MAP3K20: variants seen among roughly 807,000 people sequenced by gnomAD.
MAP3K20 encodes mitogen-activated protein kinase kinase kinase 20, also known as HCCS-4.
A neutral mutation model predicts 85.7 loss-of-function variants in MAP3K20; 40 were observed. The ratio of observed to expected loss-of-function variants is 0.47; its 90% CI spans 0.36 to 0.61. The LOEUF is 0.61. Ranked by LOEUF, MAP3K20 falls within the 20% of genes least tolerant of loss-of-function variation. MAP3K20 has a pLI of 0.00. For synonymous variants in MAP3K20, 325 were observed against 327.7 expected, an observed-to-expected ratio of 0.99 and a Z score of 0.09; for missense variants, 817 against 961.7, an observed-to-expected ratio of 0.85 and a Z score of 1.99.
chr2:173,224,455 A>T, intron 11 of MAP3K20: 1 of 985,414 alleles, frequency 1.0e-6, no homozygotes, highest in East Asian at 1.1e-4. Flanking sequence ...GCCAAAGAGA[A>T]AAATAACAGG....
chr2:173,129,516 C>T (rs1688547394), intron 2 of MAP3K20, among the ~76,000 whole-genome samples: 1 of 152,126 alleles, frequency 6.6e-6, no homozygotes, highest in Non-Finnish European at 1.5e-5. Context: ...ATCTTACAAT[C>T]CATGAATACA....
chr2:173,209,809 A>G lies in MAP3K20; in HGVS notation c.825A>G (p.Ser275=). 1 of 1,614,188 alleles carries G rather than the reference A, an allele frequency of 6.2e-7. No homozygotes were observed. Among genetic ancestry groups the G allele is most frequent in the Non-Finnish European group, 8.5e-7 (1 of 1,180,008 alleles). The change falls in exon 10 of 20, where the codon TCA becomes TCG. Residue 275 remains serine, a synonymous_variant. Transcript: ENST00000375213. ...CGAGCCTTCCTGACAAGTGTAACTC[A>G]TTCCTACACAACAAGGCGGAGTGGA... ...NDTSLPDKCN[S]FLHNKAEWRC... is the part of the protein sequence containing the mutation.
chr2:173,142,403 T>C (rs1689001861), intron 2 of MAP3K20, among the ~76,000 whole-genome samples: 1 of 148,734 alleles, frequency 6.7e-6, no homozygotes, highest in Non-Finnish European at 1.5e-5. Context: ...ACCCAGGAGG[T>C]GGAGGTTGCA....
chr2:173,161,267 G>A (rs75099252), intron 2 of MAP3K20, among the ~76,000 whole-genome samples: 5,249 of 152,286 alleles, frequency 0.034, 123 homozygotes, highest in Admixed American at 0.054. Context: ...TAAATCCACA[G>A]TGAACTAGTG....
chr2:173,082,517 A>G (rs950364527), intron 1 of MAP3K20, among the ~76,000 whole-genome samples: 1 of 152,124 alleles, frequency 6.6e-6, no homozygotes, highest in Non-Finnish European at 1.5e-5. Context: ...TTTCTATTTG[A>G]CAGAAAACGA....
intron 11 of MAP3K20, chr2:173,222,541 G>A: frequency 4.1e-6 from 4 of 985,736 alleles, no homozygotes; most frequent in Non-Finnish European, 3.6e-6. Flanking sequence ...CCAGGGGGGT[G>A]AGTTCATGCC....
intron 2 of MAP3K20, among the ~76,000 whole-genome samples, chr2:173,142,845 C>T (rs2106215920): frequency 6.6e-6 from 1 of 152,098 alleles, no homozygotes; most frequent in South Asian, 2.1e-4. Context: ...AATTAAATGG[C>T]AGAGATTGCT....
chr2:173,168,809 T>C (rs1407745499), intron 2 of MAP3K20, among the ~76,000 whole-genome samples: 1 of 152,236 alleles, frequency 6.6e-6, no homozygotes, highest in African/African-American at 2.4e-5. Context: ...TTGATGAATA[T>C]AAGATTTATG....
At position 173,215,274 on chromosome 2, in the gene MAP3K20, C is replaced by A. The variant is rs569716678; in HGVS notation, c.852-1841C>A. ...CTCTGCCATCGCACACTGAGGGCAC[C>A]CAGCTCCACCACCTCCTTGCTGCCT... is the stretch of plus-strand genomic sequence containing the variant. On this transcript the variant is annotated intron_variant, in intron 10 of 19. Coordinates refer to ENST00000375213, the MANE Select transcript of MAP3K20 (RefSeq NM_016653.3). 3.9e-5 allele frequency among the ~76,000 whole-genome samples: 6 copies of A among 152,292 alleles called. No individual in the cohort carries two copies. In the East Asian group the frequency reaches 9.6e-4, roughly 24 times the overall value.
chr2:173,248,652 A>C (rs1684976412), intron 16 of MAP3K20, among the ~76,000 whole-genome samples: 1 of 152,176 alleles, frequency 6.6e-6, no homozygotes, highest in South Asian at 2.1e-4. Context: ...CATGCCAGGA[A>C]GTGTCTAACA....
chr2:173,220,684 C>T (rs1279537642), intron 11 of MAP3K20, among the ~76,000 whole-genome samples: 1 of 152,172 alleles, frequency 6.6e-6, no homozygotes, highest in Admixed American at 6.5e-5. Context: ...GACTGCTGAA[C>T]TGTTTTTTGT....
chr2:173,265,913 T>A (rs1203017597), intron 19 of MAP3K20, 137 bp from the exon 20 acceptor site: 3 of 847,672 alleles, frequency 3.5e-6, no homozygotes, highest in Admixed American at 5.8e-5. Flanking sequence ...AACGTCCTTA[T>A]ACATAGCCTA....
intron 11 of MAP3K20, chr2:173,221,856 G>A (rs1684260996): frequency 9.8e-7 from 1 of 1,016,104 alleles, no homozygotes; most frequent in Non-Finnish European, 1.2e-6. Flanking sequence ...TTTTTAGTTT[G>A]TATTTGACTT....
In MAP3K20 at chr2:173,266,092, T is replaced by C. The variant is rs963733916; in HGVS notation, c.1745T>C (p.Ile582Thr). ...TTAGATACTCTGAGGATGCGGCAGA[T>C]TGCATCCAACACTTCTTTACAGCGT... The part of the protein sequence containing the change: ...QWLDTLRMRQ[I>T]ASNTSLQRSQ... Residue 582 changes from isoleucine to threonine, a missense_variant, in exon 20 of 20, where the codon ATT (isoleucine) becomes ACT (threonine). Ile to Thr is a moderately conservative substitution (Grantham distance 89). Around this residue, in one of 4 missense-constraint regions of MAP3K20, gnomAD observed 454 missense variants for 476.9 expected, o/e 0.95. Transcript: ENST00000375213. 8 of 1,600,314 alleles carry C rather than the reference T, an allele frequency of 5.0e-6. No individual in the cohort carries two copies. Among genetic ancestry groups the C allele is most frequent in the Non-Finnish European group, 6.8e-6 (8 of 1,172,880 alleles).
chr2:173,227,863 T>C (rs1230746821), intron 11 of MAP3K20, among the ~76,000 whole-genome samples: 1 of 152,122 alleles, frequency 6.6e-6, no homozygotes, highest in Non-Finnish European at 1.5e-5. Context: ...ACCAAAAAAG[T>C]TTCGTATTTC....
chr2:173,241,804 T>A (rs1156859922), intron 16 of MAP3K20, among the ~76,000 whole-genome samples: 1 of 151,920 alleles, frequency 6.6e-6, no homozygotes, highest in Non-Finnish European at 1.5e-5. Context: ...CCACAGACTT[T>A]GGTTGAGTGA....
intron 8 of MAP3K20, 152 bp from the exon 9 acceptor site, chr2:173,203,644 G>A (rs914208965): frequency 3.2e-6 from 2 of 618,312 alleles, no homozygotes; most frequent in Non-Finnish European, 5.7e-6. Flanking sequence ...AACATAAATT[G>A]TCACTTGTCA....
At chr2:173,223,492 G>A in intron 11 of MAP3K20, 1 of 985,394 alleles carries the variant, frequency 1.0e-6, no homozygotes, top group South Asian at 4.7e-5. Flanking sequence ...AGTGATTTCA[G>A]TAACCTTCTG....
intron 8 of MAP3K20, among the ~76,000 whole-genome samples, chr2:173,201,994 T>C (rs1005285845): frequency 2.6e-5 from 4 of 152,200 alleles, no homozygotes; most frequent in African/African-American, 7.2e-5. Flanking sequence ...CAGGAAAATG[T>C]TGAGACACAG....
Sources: allele counts gnomAD v4.1 joint callset (sites outside exome capture counted in the v4.1 genomes callset), GRCh38; gene constraint gnomAD v4.1.1; regional missense constraint gnomAD v4.1.1; transcripts MANE v1.5; gene names NCBI Gene and HGNC (gene_info 2026-07-23, HGNC 2026-07-21).